Variants in PTPN12 observed in about 807,000 individuals in gnomAD.
PTPN12 encodes tyrosine-protein phosphatase non-receptor type 12.
PTPN12 carries 29 observed loss-of-function variants against 97.6 expected under a neutral mutation model. The observed-to-expected ratio is 0.30, with a 90% CI of 0.22 to 0.41. The LOEUF is 0.41. PTPN12 is among the 10% of genes least tolerant of loss of function. The pLI is 1.00. For synonymous variants in PTPN12, 327 were observed against 300.4 expected (o/e 1.09, Z -0.91); for missense variants, 819 against 926.0 (o/e 0.88, Z 1.50).
chr7:77,632,301 T>C lies in PTPN12; in HGVS notation c.1997-47T>C, dbSNP rs114912001. On this transcript the variant is annotated intron_variant, in intron 13 of 17. Transcript: ENST00000248594. ...ATGTCAAGAAAGCTCTCTGATTTTG[T>C]TTAGATGACATGTTAATTTGTCTAA... 5.1e-4 allele frequency: 682 copies of C among 1,334,680 alleles called. 2 individuals carry two copies. In the African/African-American group the frequency reaches 8.8e-3, roughly 17 times the overall value. The allele number at this position is 1,334,680 out of a possible 1,614,324, so 82.7% of individuals were successfully genotyped here. A position where few individuals can be genotyped will look rare whatever the true frequency, so the allele number is the denominator to read the frequency against.
At chr7:77,555,319 G>A (rs1013440194) in intron 1 of PTPN12, among the ~76,000 whole-genome samples, 6 of 151,316 alleles carry the variant, frequency 4.0e-5, no homozygotes, top group African/African-American at 1.5e-4. Flanking sequence ...CTGTGGTTTG[G>A]TTTCTGACAT....
At chr7:77,639,076 A>T in intron 17 of PTPN12, 143 bp from the exon 18 acceptor site, 1 of 703,386 alleles carries the variant, frequency 1.4e-6, no homozygotes, top group Non-Finnish European at 2.2e-6. Context: ...TTTTGCATTT[A>T]CCAAGTTTTG....
intron 1 of PTPN12, among the ~76,000 whole-genome samples, chr7:77,547,904 T>C (rs1270514244): frequency 4.6e-5 from 7 of 152,234 alleles, no homozygotes; most frequent in Admixed American, 3.9e-4. Context: ...GAAAATCTTA[T>C]GTACCCAAAT....
intron 9 of PTPN12, among the ~76,000 whole-genome samples, chr7:77,609,418 C>T (rs945872403): frequency 6.6e-6 from 1 of 151,042 alleles, no homozygotes; most frequent in Non-Finnish European, 1.5e-5. Flanking sequence ...ATTACATGCA[C>T]GCGGCACCAT....
At chr7:77,557,413 C>T (rs1584104612) in intron 1 of PTPN12, among the ~76,000 whole-genome samples, 1 of 152,138 alleles carries the variant, frequency 6.6e-6, no homozygotes, top group African/African-American at 2.4e-5. Flanking sequence ...TCTGTCTCTC[C>T]AGTTTGGGGG....
intron 9 of PTPN12, 23 bp from the exon 10 acceptor site, chr7:77,610,742 A>G: frequency 1.3e-6 from 2 of 1,558,688 alleles, no homozygotes; most frequent in East Asian, 2.2e-5. Context: ...CACAAAGTTG[A>G]TGTATTAAAT....
At chr7:77,626,228 A>G (rs114452754) in intron 12 of PTPN12, among the ~76,000 whole-genome samples, 2,197 of 152,326 alleles carry the variant, frequency 0.014, 56 homozygotes, top group African/African-American at 0.05. Flanking sequence ...CTATAGAAGA[A>G]AAGATACGAA....
chr7:77,601,713 G>A (rs1310633875), intron 8 of PTPN12, among the ~76,000 whole-genome samples: 1 of 152,088 alleles, frequency 6.6e-6, no homozygotes, highest in African/African-American at 2.4e-5. Flanking sequence ...GAAAAAGTGT[G>A]TTTTAGTTTG....
chr7:77,562,981 TG>T (rs1374098717), intron 1 of PTPN12, among the ~76,000 whole-genome samples: 5 of 150,050 alleles, frequency 3.3e-5, no homozygotes, highest in Admixed American at 1.3e-4. Flanking sequence ...AGAACAGCCT[TG>T]TTTTTTTATT....
chr7:77,631,021 G>A (rs781177238), intron 13 of PTPN12, among the ~76,000 whole-genome samples: 4 of 152,138 alleles, frequency 2.6e-5, no homozygotes, highest in Admixed American at 6.6e-5. Flanking sequence ...TAGAAAAAGG[G>A]CTGAACTGCC....
chr7:77,538,198 C>A, intron 1 of PTPN12: 1 of 628,462 alleles, frequency 1.6e-6, no homozygotes, highest in Non-Finnish European at 2.0e-6. Context: ...CAGTCATGAT[C>A]TCCAACGCTT....
At chr7:77,558,850 C>T (rs1807854857) in intron 1 of PTPN12, among the ~76,000 whole-genome samples, 1 of 152,082 alleles carries the variant, frequency 6.6e-6, no homozygotes, top group South Asian at 2.1e-4. Context: ...CTCTACAAAA[C>T]ATTTTTAAAA....
At chr7:77,563,912 G>A in intron 1 of PTPN12, 1 of 440,618 alleles carries the variant, frequency 2.3e-6, no homozygotes, top group South Asian at 1.6e-5. Context: ...CGTTAGTGAT[G>A]TGCATTTTTT....
At chr7:77,630,799 C>G (rs913650126) in intron 13 of PTPN12, among the ~76,000 whole-genome samples, 4 of 152,130 alleles carry the variant, frequency 2.6e-5, no homozygotes, top group African/African-American at 2.4e-5. Context: ...ACAGAAGGCC[C>G]CATACAGTGT....
At chr7:77,543,913 G>C (rs1004829336) in intron 1 of PTPN12, among the ~76,000 whole-genome samples, 1 of 152,220 alleles carries the variant, frequency 6.6e-6, no homozygotes, top group East Asian at 1.9e-4. Context: ...TCCATTCATC[G>C]TGTTGATGGG....
intron 11 of PTPN12, among the ~76,000 whole-genome samples, chr7:77,618,007 A>G (rs1025740271): frequency 6.6e-5 from 10 of 152,152 alleles, no homozygotes; most frequent in South Asian, 4.1e-4. Flanking sequence ...AAATGGTTAA[A>G]ATGAATCCTA....
chr7:77,610,801 C>T lies in PTPN12; in HGVS notation c.799C>T (p.Gln267Ter). 1 of 1,607,976 alleles carries T rather than the reference C, an allele frequency of 6.2e-7. No individual in the cohort carries two copies. The highest frequency in any genetic ancestry group is 1.7e-5 in the Admixed American group (1 of 58,834). ...GGAATTTAATGTATTTAATTTAATA[C>T]AAGAAATGAGAACACAAAGGCATTC... ...PEEFNVFNLIQEMRTQRHSAV... is the reference protein window; with the variant it reads ...PEEFNVFNLI Residue 267 changes from glutamine to a stop codon, truncating the protein, a stop_gained, in exon 10 of 18, where the codon CAA (glutamine) becomes TAA (stop). Transcript: ENST00000248594. LOFTEE classifies it high-confidence loss of function.
chr7:77,618,205 G>GT (rs1166513494), intron 11 of PTPN12, among the ~76,000 whole-genome samples: 3 of 152,030 alleles, frequency 2.0e-5, no homozygotes, highest in African/African-American at 4.8e-5. Context: ...TGGGGAATCT[G>GT]TTTTTTTACG....
chr7:77,634,291 TAA>T (rs571232740), intron 14 of PTPN12, among the ~76,000 whole-genome samples: 132 of 152,236 alleles, frequency 8.7e-4, no homozygotes, highest in Middle Eastern at 6.8e-3. Flanking sequence ...ATTAATCCTC[TAA>T]AAAAGAGTGC....
Sources: allele counts gnomAD v4.1 joint callset (sites outside exome capture counted in the v4.1 genomes callset), GRCh38; gene constraint gnomAD v4.1.1; transcripts MANE v1.5; gene names NCBI Gene and HGNC (gene_info 2026-07-23, HGNC 2026-07-21).